SLMAP: variants seen among roughly 807,000 people sequenced by gnomAD.
SLMAP encodes the protein sarcolemmal membrane-associated protein.
In SLMAP, 44 loss-of-function variants were observed where a neutral mutation model predicts 128.8. The observed-to-expected ratio is 0.34, with a 90% CI of 0.27 to 0.44. SLMAP has a LOEUF of 0.44. Ranked by LOEUF, SLMAP falls within the 20% of genes least tolerant of loss-of-function variation. The pLI is 1.00. For missense variants in SLMAP, 787 were observed against 985.3 expected (o/e 0.80, Z 2.69); for synonymous variants, 327 against 348.8 (o/e 0.94, Z 0.70).
intron 14 of SLMAP, among the ~76,000 whole-genome samples, chr3:57,876,453 A>T (rs923224881): frequency 6.6e-6 from 1 of 152,262 alleles, no homozygotes; most frequent in Non-Finnish European, 1.5e-5. Context: ...TCAGAACTGT[A>T]AAGTAAATAT....
At chr3:57,893,849 A>T (rs868165453) in intron 15 of SLMAP, among the ~76,000 whole-genome samples, 2 of 152,324 alleles carry the variant, frequency 1.3e-5, no homozygotes, top group Middle Eastern at 6.8e-3. Context: ...TTAGATTCCC[A>T]TGGGCCTCCA....
intron 4 of SLMAP, among the ~76,000 whole-genome samples, chr3:57,845,456 A>G (rs533408014): frequency 6.6e-6 from 1 of 152,314 alleles, no homozygotes; most frequent in South Asian, 2.1e-4. Context: ...TTAAGGTGGG[A>G]TCAAAATTAT....
In SLMAP at chr3:57,858,941, TCAACAACAA is replaced by T. The variant is rs900798293; in HGVS notation, c.687+795_687+803del. Reference sequence around the variant, plus strand: ...TGGGCAACAAGAGTGAAACTCTGTCTCAACAACAACAACAACAACAAAAAAGTTACAAAA... The same window carrying T: ...TGGGCAACAAGAGTGAAACTCTGTCTCAACAACAACAAAAAAGTTACAAAA... On this transcript the variant is annotated intron_variant, in intron 8 of 24. Transcript: ENST00000671191. Among the ~76,000 whole-genome samples, 6 of 151,748 alleles carry T rather than the reference TCAACAACAA, an allele frequency of 4.0e-5. No individual in the cohort carries two copies. The East Asian group carries it at 7.8e-4, about 20-fold the overall frequency.
intron 14 of SLMAP, among the ~76,000 whole-genome samples, chr3:57,872,555 G>T (rs1219571833): frequency 1.3e-5 from 2 of 152,178 alleles, no homozygotes; most frequent in Admixed American, 1.3e-4. Flanking sequence ...GGAGGTGGAG[G>T]TTGCAGTGAG....
Position 57,791,459 on chromosome 3 carries a change from A to G in SLMAP, c.198+33610A>G, listed in dbSNP as rs964561488. Among the ~76,000 whole-genome samples the G allele has an allele frequency of 5.9e-5, 9 of 152,310 alleles. 1 individual carries two copies. In the South Asian group the frequency reaches 1.9e-3, roughly 32 times the overall value. ...TTTTCTATTGTAAAGCATGTATGTC[A>G]AAACCCAGAATCTGCACTGTCACTT... is the stretch of plus-strand genomic sequence containing the variant. On this transcript the variant is annotated intron_variant, in intron 2 of 24. Transcript: ENST00000671191.
chr3:57,829,298 T>C (rs909067173), intron 2 of SLMAP, among the ~76,000 whole-genome samples: 13 of 152,148 alleles, frequency 8.5e-5, no homozygotes, highest in African/African-American at 2.4e-4. Context: ...TTTTAAAAAA[T>C]GCTAGTTGCA....
At chr3:57,907,203 G>A (rs750922855) in intron 17 of SLMAP, among the ~76,000 whole-genome samples, 1 of 151,630 alleles carries the variant, frequency 6.6e-6, no homozygotes, top group Non-Finnish European at 1.5e-5. Flanking sequence ...AATTTTTTGT[G>A]TTTTTAGTAG....
intron 14 of SLMAP, among the ~76,000 whole-genome samples, chr3:57,875,169 A>G (rs2095574709): frequency 6.6e-6 from 1 of 152,212 alleles, no homozygotes; most frequent in Admixed American, 6.5e-5. Context: ...GGTAGTACCT[A>G]CATACAAGAA....
chr3:57,882,184 GATTA>G, intron 14 of SLMAP, among the ~76,000 whole-genome samples: 1 of 152,200 alleles, frequency 6.6e-6, no homozygotes, highest in Middle Eastern at 3.4e-3. Flanking sequence ...ATTCTACAAA[GATTA>G]ATTAAACATG....
At chr3:57,774,900 G>A (rs955481499) in intron 2 of SLMAP, among the ~76,000 whole-genome samples, 14 of 152,026 alleles carry the variant, frequency 9.2e-5, no homozygotes, top group Non-Finnish European at 1.8e-4. Flanking sequence ...GCATTAATAT[G>A]TATTCATATA....
intron 6 of SLMAP, among the ~76,000 whole-genome samples, chr3:57,853,955 TTATATATATATATATATATA>T (rs1157170350): frequency 0.021 from 683 of 31,944 alleles, 24 homozygotes; most frequent in Middle Eastern, 0.056. Context: ...AAAAAAAAAA[TTATATATATATATATATATA>T]TATATATATA....
intron 2 of SLMAP, among the ~76,000 whole-genome samples, chr3:57,815,040 G>A (rs1399213297): frequency 6.6e-6 from 1 of 152,030 alleles, no homozygotes; most frequent in African/African-American, 2.4e-5. Flanking sequence ...AACCTTTTTG[G>A]CACCGAGGAC....
intron 2 of SLMAP, among the ~76,000 whole-genome samples, chr3:57,761,338 A>G (rs565507048): frequency 1.3e-5 from 2 of 152,206 alleles, no homozygotes. Flanking sequence ...TCTGTCACCC[A>G]GGCTGGAGTG....
At chr3:57,910,777 G>A (rs1030363239) in intron 19 of SLMAP, among the ~76,000 whole-genome samples, 4 of 152,126 alleles carry the variant, frequency 2.6e-5, no homozygotes, top group African/African-American at 9.7e-5. Context: ...AGCCAATGTT[G>A]TTTTAAAATT....
At chr3:57,917,355 C>A in intron 22 of SLMAP, 1 of 606,324 alleles carries the variant, frequency 1.6e-6, no homozygotes, top group Non-Finnish European at 2.5e-6. Flanking sequence ...TGTACCAGGT[C>A]TCTTGATCTA....
intron 2 of SLMAP, among the ~76,000 whole-genome samples, chr3:57,790,854 C>CT (rs1053975937): frequency 2.6e-5 from 4 of 152,012 alleles, no homozygotes; most frequent in African/African-American, 9.7e-5. Flanking sequence ...AATTAAGTTG[C>CT]TTTGGAGCAA....
chr3:57,917,181 T>G (rs1483563313), intron 22 of SLMAP, 104 bp downstream of exon 22: 10 of 1,562,176 alleles, frequency 6.4e-6, no homozygotes, highest in Non-Finnish European at 8.7e-6. Context: ...GAAGTCACAT[T>G]ACCTGTCACA....
intron 15 of SLMAP, among the ~76,000 whole-genome samples, chr3:57,892,831 CTTTT>C (rs34608762): frequency 1.2e-5 from 1 of 85,606 alleles, no homozygotes; most frequent in Non-Finnish European, 2.4e-5. Context: ...AACTTGCTTT[CTTTT>C]TTTTTTTTTT....
At chr3:57,845,752 T>C (rs2094209859) in intron 4 of SLMAP, among the ~76,000 whole-genome samples, 2 of 152,292 alleles carry the variant, frequency 1.3e-5, no homozygotes, top group South Asian at 4.1e-4. Context: ...ATCAAGTCCA[T>C]TTCCAAAGCA....
Sources: gnomAD v4.1 joint callset for allele counts (sites outside exome capture counted in the v4.1 genomes callset) on GRCh38, gnomAD v4.1.1 for gene constraint, MANE v1.5 for transcripts, NCBI Gene and HGNC (gene_info 2026-07-23, HGNC 2026-07-21) for gene names.